CTNNA2: variants seen among roughly 807,000 people sequenced by gnomAD.
CTNNA2 encodes catenin alpha-2.
Under a neutral mutation model 101.0 loss-of-function variants are expected in CTNNA2, and 42 were observed. That is an observed-to-expected ratio of 0.42 (90% CI 0.32 to 0.54). The LOEUF (loss-of-function observed/expected upper bound fraction) is 0.54. Among genes scored for constraint, CTNNA2 ranks in the 20% least tolerant of loss-of-function variants. The pLI is 0.14. For missense variants in CTNNA2, 871 were observed against 1,223.1 expected (o/e 0.71, Z 4.29); for synonymous variants, 450 against 456.4 (o/e 0.99, Z 0.18).
chr2:80,081,100 T>TA (rs201956999), intron 7 of CTNNA2, among the ~76,000 whole-genome samples: 14,120 of 142,368 alleles, frequency 0.099, 871 homozygotes, highest in African/African-American at 0.19. Context: ...AAATGTTGGT[T>TA]AAAAAAAAAA....
chr2:79,928,121 T>C (rs141221819), intron 7 of CTNNA2, among the ~76,000 whole-genome samples: 319 of 152,258 alleles, frequency 2.1e-3, no homozygotes, highest in African/African-American at 7.5e-3. Context: ...TTAAATTGTG[T>C]GTTAGAGAAG....
intron 3 of CTNNA2, among the ~76,000 whole-genome samples, chr2:79,851,303 A>G (rs907286875): frequency 2.6e-5 from 4 of 152,212 alleles, no homozygotes. Context: ...AGTGGTTTTC[A>G]AGTATTACAT....
At chr2:80,523,276 A>G (rs557739164) in intron 9 of CTNNA2, among the ~76,000 whole-genome samples, 3 of 152,286 alleles carry the variant, frequency 2.0e-5, no homozygotes, top group African/African-American at 7.2e-5. Context: ...GTGAAGTTGT[A>G]AATGCAACAA....
intron 2 of CTNNA2, chr2:79,687,610 C>G (rs1023309820): frequency 1.4e-6 from 1 of 696,088 alleles, no homozygotes; most frequent in African/African-American, 1.8e-5. Flanking sequence ...TCACATAAAT[C>G]TGTATTGCTG....
intron 7 of CTNNA2, among the ~76,000 whole-genome samples, chr2:80,245,288 TA>T (rs1159284580): frequency 5.3e-5 from 8 of 152,252 alleles, no homozygotes; most frequent in Non-Finnish European, 1.0e-4. Context: ...AGAGCCTATG[TA>T]AAATATTGAT....
chr2:79,219,539 G>C (rs764668478), intron 2 of CTNNA2, among the ~76,000 whole-genome samples: 1 of 152,088 alleles, frequency 6.6e-6, no homozygotes, highest in Admixed American at 6.6e-5. Flanking sequence ...TGAGGTTAAG[G>C]TCACTTTAAG....
intron 7 of CTNNA2, among the ~76,000 whole-genome samples, chr2:80,158,406 G>A (rs1032732416): frequency 3.9e-4 from 60 of 152,180 alleles, no homozygotes; most frequent in Middle Eastern, 3.4e-3. Flanking sequence ...CCCTCGTTTC[G>A]CACAATGGTA....
chr2:80,141,116 C>G (rs148275986), intron 7 of CTNNA2, among the ~76,000 whole-genome samples: 117 of 152,136 alleles, frequency 7.7e-4, no homozygotes, highest in African/African-American at 2.7e-3. Flanking sequence ...GTATGTGCTT[C>G]TTCTTAGGAC....
rs1341247495 is a variant in CTNNA2, at chr2:80,457,992, C to G, written c.1290+38391C>G. Among the ~76,000 whole-genome samples the G allele has an allele frequency of 2.6e-5, 4 of 152,074 alleles. 1 individual carries two copies. Among genetic ancestry groups the G allele is most frequent in the African/African-American group, 9.7e-5 (4 of 41,394 alleles). ...ACTATCCTCTAGTGCCTTCCTTCACCCTTGCTGCTTCCTTCTAGAGCTGAA... is the reference window on the plus strand; with the variant it reads ...ACTATCCTCTAGTGCCTTCCTTCACGCTTGCTGCTTCCTTCTAGAGCTGAA... On this transcript the variant is annotated intron_variant, in intron 9 of 18. Transcript: ENST00000402739.
intron 4 of CTNNA2, among the ~76,000 whole-genome samples, chr2:79,501,965 CTTTTTTTTTTT>C (rs59130555): frequency 7.8e-6 from 1 of 128,788 alleles, no homozygotes; most frequent in Non-Finnish European, 1.7e-5. Context: ...GGATATTAGT[CTTTTTTTTTTT>C]TTTTTTTTAG....
chr2:79,352,194 A>G (rs934128116), intron 3 of CTNNA2, among the ~76,000 whole-genome samples: 2 of 151,494 alleles, frequency 1.3e-5, no homozygotes, highest in African/African-American at 4.8e-5. Context: ...ATTTTTTCAC[A>G]TTTGTTGACT....
At chr2:79,635,469 G>A (rs969469526) in intron 1 of CTNNA2, among the ~76,000 whole-genome samples, 1 of 151,840 alleles carries the variant, frequency 6.6e-6, no homozygotes, top group Non-Finnish European at 1.5e-5. Flanking sequence ...AGTGACTACT[G>A]CATTTCTGAC....
intron 3 of CTNNA2, among the ~76,000 whole-genome samples, chr2:79,355,362 AG>A (rs2104442213): frequency 6.6e-6 from 1 of 152,296 alleles, no homozygotes; most frequent in South Asian, 2.1e-4. Context: ...CCATGAACAT[AG>A]GGTGTTTTTC....
chr2:80,482,090 T>A (rs1686194978), intron 9 of CTNNA2, among the ~76,000 whole-genome samples: 1 of 152,006 alleles, frequency 6.6e-6, no homozygotes, highest in Non-Finnish European at 1.5e-5. Context: ...TAATTTAATT[T>A]AATTTAATTT....
chr2:80,075,711 ATAAAAAT>A lies in CTNNA2; in HGVS notation c.1056+165915_1056+165921del, dbSNP rs1171004820. Among the ~76,000 whole-genome samples, 122 of 84,592 alleles carry A rather than the reference ATAAAAAT, an allele frequency of 1.4e-3. 1 individual carries two copies. Among genetic ancestry groups the A allele is most frequent in the African/African-American group, 5.6e-3 (103 of 18,452 alleles). The allele number at this position is 84,592 out of a possible 152,430, so 55.5% of individuals were successfully genotyped here. A position where few individuals can be genotyped will look rare whatever the true frequency, so the allele number is the denominator to read the frequency against. ...TAATATTTATACTTGTATAAATATTATAAAAATAATATTTATACTTGTATAAATATTA... is the reference window on the plus strand; with the variant it reads ...TAATATTTATACTTGTATAAATATTAAATATTTATACTTGTATAAATATTA... On this transcript the variant is annotated intron_variant, in intron 7 of 18. Coordinates refer to ENST00000402739, the MANE Select transcript of CTNNA2 (RefSeq NM_001282597.3).
At chr2:79,980,058 A>C (rs961219502) in intron 7 of CTNNA2, among the ~76,000 whole-genome samples, 4 of 152,084 alleles carry the variant, frequency 2.6e-5, no homozygotes, top group Non-Finnish European at 4.4e-5. Flanking sequence ...CTTAATGAAC[A>C]CCTTCCAGTT....
intron 1 of CTNNA2, among the ~76,000 whole-genome samples, chr2:79,571,271 C>A (rs1675444407): frequency 6.6e-6 from 1 of 152,046 alleles, no homozygotes; most frequent in African/African-American, 2.4e-5. Context: ...TGTAGTCACC[C>A]ACACTTTTGT....
At chr2:79,696,362 T>A (rs148398396) in intron 2 of CTNNA2, among the ~76,000 whole-genome samples, 104 of 152,142 alleles carry the variant, frequency 6.8e-4, no homozygotes, top group African/African-American at 2.4e-3. Context: ...AAAATTTATA[T>A]CTCTATTTGT....
chr2:79,897,038 G>T (rs1684762774), intron 6 of CTNNA2, among the ~76,000 whole-genome samples: 1 of 152,094 alleles, frequency 6.6e-6, no homozygotes, highest in Non-Finnish European at 1.5e-5. Context: ...GAGTAGAGGT[G>T]AGATTATATT....
Sources: gnomAD v4.1 joint callset for allele counts (sites outside exome capture counted in the v4.1 genomes callset) on GRCh38, gnomAD v4.1.1 for gene constraint, MANE v1.5 for transcripts, NCBI Gene and HGNC (gene_info 2026-07-23, HGNC 2026-07-21) for gene names.